The following PIK3C3 variants were observed in gnomAD, a reference collection of about 807,000 sequenced individuals.
The protein encoded by PIK3C3 is phosphatidylinositol 3-kinase catalytic subunit type 3, also known as PI3-kinase type 3.
In PIK3C3, 95 loss-of-function variants were observed where a neutral mutation model predicts 126.1. The ratio of observed to expected loss-of-function variants is 0.75; its 90% CI spans 0.64 to 0.89. PIK3C3 has a LOEUF of 0.89. Among genes scored for constraint, PIK3C3 ranks in the 40% least tolerant of loss-of-function variants. PIK3C3 has a pLI of 0.00. For missense variants in PIK3C3, 829 were observed against 1,063.2 expected (o/e 0.78, Z 3.06); for synonymous variants, 374 against 360.0 (o/e 1.04, Z -0.44).
chr18:42,063,756 A>G (rs1490029275), intron 22 of PIK3C3, among the ~76,000 whole-genome samples: 2 of 152,126 alleles, frequency 1.3e-5, no homozygotes, highest in Admixed American at 6.6e-5. Context: ...TATTATCATT[A>G]TAGATAGGTA....
At chr18:41,974,776 CATATT>C (rs1193303862) in intron 4 of PIK3C3, among the ~76,000 whole-genome samples, 1 of 152,094 alleles carries the variant, frequency 6.6e-6, no homozygotes, top group Non-Finnish European at 1.5e-5. Context: ...TTCAGCTTGT[CATATT>C]ATAAGAGTTT....
intron 24 of PIK3C3, among the ~76,000 whole-genome samples, chr18:42,073,283 T>G (rs1380500286): frequency 6.6e-6 from 1 of 152,184 alleles, no homozygotes; most frequent in African/African-American, 2.4e-5. Flanking sequence ...GACACCTGAT[T>G]CTATAGTCAC....
At chr18:42,034,198 G>T (rs989183303) in intron 16 of PIK3C3, among the ~76,000 whole-genome samples, 2 of 152,070 alleles carry the variant, frequency 1.3e-5, no homozygotes, top group African/African-American at 4.8e-5. Context: ...TCTCTGGGTT[G>T]TTTTTTAATA....
At chr18:42,058,678 C>T (rs1183912969) in intron 22 of PIK3C3, among the ~76,000 whole-genome samples, 1 of 152,050 alleles carries the variant, frequency 6.6e-6, no homozygotes, top group Non-Finnish European at 1.5e-5. Context: ...CTTTTTTCTT[C>T]AACACCACTA....
chr18:42,021,909 C>T (rs1421262110), intron 13 of PIK3C3, among the ~76,000 whole-genome samples: 1 of 152,158 alleles, frequency 6.6e-6, no homozygotes, highest in African/African-American at 2.4e-5. Flanking sequence ...TGGTTCTAAG[C>T]ATTTTGGCTA....
chr18:42,070,954 G>A (rs1985748359), intron 24 of PIK3C3, among the ~76,000 whole-genome samples: 1 of 152,164 alleles, frequency 6.6e-6, no homozygotes, highest in Non-Finnish European at 1.5e-5. Context: ...TATAATTCTT[G>A]AGAAGAAACA....
rs1233369402 is a variant in PIK3C3, at chr18:41,996,647, A to T, written c.901A>T (p.Ser301Cys). Residue 301 changes from serine to cysteine, a missense_variant, in exon 9 of 25, where the codon AGT becomes TGT. Transcript: ENST00000262039. Reference sequence around the variant, plus strand: ...TCTTTTTTTGTTTTAGATTATTGTGAGTTATCCACCAACCAAGCAACTTAC... The same window carrying T: ...TCTTTTTTTGTTTTAGATTATTGTGTGTTATCCACCAACCAAGCAACTTAC... ...ATRDQLNIIVSYPPTKQLTYE... is the reference protein window; with the variant it reads ...ATRDQLNIIVCYPPTKQLTYE... The T allele has an allele frequency of 1.4e-5, 21 of 1,543,716 alleles. No homozygotes were observed. The highest frequency in any genetic ancestry group is 1.9e-5 in the Non-Finnish European group (21 of 1,133,114).
intron 24 of PIK3C3, among the ~76,000 whole-genome samples, chr18:42,079,186 C>A (rs567041027): frequency 4.6e-5 from 7 of 152,124 alleles, no homozygotes; most frequent in African/African-American, 1.7e-4. Context: ...CAGAGATATG[C>A]GACTCTTCCC....
chr18:42,049,975 G>GAA (rs1205934658), intron 21 of PIK3C3: 10 of 128,850 alleles, frequency 7.8e-5, no homozygotes, highest in Non-Finnish European at 1.1e-4. Context: ...CGCCATCTTA[G>GAA]AAAAAAAAAA....
chr18:41,962,451 A>G (rs1980138121), intron 2 of PIK3C3, 38 bp from the exon 3 acceptor site: 7 of 1,529,138 alleles, frequency 4.6e-6, no homozygotes, highest in Non-Finnish European at 6.2e-6. Context: ...AGATATATAT[A>G]TATGTATTTC....
intron 4 of PIK3C3, among the ~76,000 whole-genome samples, chr18:41,983,356 C>G (rs75934277): frequency 6.8e-6 from 1 of 146,132 alleles, no homozygotes; most frequent in Non-Finnish European, 1.5e-5. Context: ...GGGCAGGAAT[C>G]TTTTTTTTTT....
At chr18:42,050,731 A>T (rs1984766034) in intron 21 of PIK3C3, 2 of 152,368 alleles carry the variant, frequency 1.3e-5, no homozygotes, top group African/African-American at 4.8e-5. Flanking sequence ...AGCAAACAAT[A>T]TATGTTGCCT....
chr18:42,087,421 T>C lies in PIK3C3; in HGVS notation c.*6284T>C, dbSNP rs1287672499. On this transcript the variant is annotated 3_prime_UTR_variant, in exon 25 of 25. Coordinates refer to ENST00000262039, the MANE Select transcript of PIK3C3 (RefSeq NM_002647.4). ...TTATGCAAATGGGCTTTCCAGTTGA[T>C]TGGGTCCATCTTGTGTAACACGTGG... is the stretch of plus-strand genomic sequence containing the variant. 2 of 152,132 alleles carry C rather than the reference T, an allele frequency of 1.3e-5. No individual in the cohort carries two copies. The highest frequency in any genetic ancestry group is 2.9e-5 in the Non-Finnish European group (2 of 68,028). 9.4% of individuals were successfully genotyped at this position (152,132 alleles called of 1,614,324 possible).
chr18:41,995,078 G>C, intron 7 of PIK3C3, among the ~76,000 whole-genome samples: 1 of 151,946 alleles, frequency 6.6e-6, no homozygotes, highest in East Asian at 1.9e-4. Flanking sequence ...TCAGTGTAGG[G>C]AAAGACTTTT....
At chr18:42,061,064 C>T (rs191192395) in intron 22 of PIK3C3, among the ~76,000 whole-genome samples, 18 of 152,164 alleles carry the variant, frequency 1.2e-4, no homozygotes, top group Non-Finnish European at 2.6e-4. Context: ...AAGGTTTTTC[C>T]TGAAAAATTT....
chr18:42,034,470 A>G (rs1983959508), intron 16 of PIK3C3, among the ~76,000 whole-genome samples: 1 of 152,148 alleles, frequency 6.6e-6, no homozygotes. Flanking sequence ...TCATTAGTTC[A>G]GATGGTTAGA....
chr18:42,042,258 A>G (rs533266047), intron 19 of PIK3C3, among the ~76,000 whole-genome samples: 2 of 152,296 alleles, frequency 1.3e-5, no homozygotes, highest in African/African-American at 4.8e-5. Context: ...CTATTGGAAA[A>G]GAAGCTCACT....
intron 9 of PIK3C3, 92 bp from the exon 10 acceptor site, chr18:42,004,264 C>G: frequency 2.2e-6 from 2 of 895,502 alleles, no homozygotes; most frequent in South Asian, 1.5e-5. Context: ...CTCCGTGGCT[C>G]TGTCATTAGG....
At chr18:41,976,757 CT>C (rs1176490792) in intron 4 of PIK3C3, among the ~76,000 whole-genome samples, 1 of 152,136 alleles carries the variant, frequency 6.6e-6, no homozygotes, top group African/African-American at 2.4e-5. Context: ...GTTGTTATTA[CT>C]TTTTTTACTT....
Sources: allele counts gnomAD v4.1 joint callset (sites outside exome capture counted in the v4.1 genomes callset), GRCh38; gene constraint gnomAD v4.1.1; transcripts MANE v1.5; gene names NCBI Gene and HGNC (gene_info 2026-07-23, HGNC 2026-07-21).